MALRD1: variants seen among roughly 807,000 people sequenced by gnomAD.
The protein encoded by MALRD1 is MAM and LDL receptor class A domain containing 1.
Under a neutral mutation model 242.1 loss-of-function variants are expected in MALRD1, and 247 were observed. The observed-to-expected ratio is 1.02, with a 90% CI of 0.92 to 1.13. The LOEUF (loss-of-function observed/expected upper bound fraction) is 1.13. Ranked by LOEUF, MALRD1 falls within the 50% of genes most tolerant of loss-of-function variation. The pLI is 0.00. For synonymous variants in MALRD1, 995 were observed against 866.6 expected (o/e 1.15, Z -2.60); for missense variants, 2,989 against 2,533.1 (o/e 1.18, Z -3.86).
chr10:19,493,305 T>G (rs1837570330), intron 30 of MALRD1: 2 of 152,158 alleles, frequency 1.3e-5, no homozygotes, highest in African/African-American at 2.4e-5. Context: ...CTTACCCTAA[T>G]GTCTTCAAGG....
At chr10:19,067,422 C>G (rs1228829035) in intron 2 of MALRD1, among the ~76,000 whole-genome samples, 1 of 152,068 alleles carries the variant, frequency 6.6e-6, no homozygotes, top group Non-Finnish European at 1.5e-5. Flanking sequence ...AAAACGGATT[C>G]CATGCCTGCC....
chr10:19,113,991 G>A (rs1425160188), intron 5 of MALRD1, among the ~76,000 whole-genome samples: 2 of 152,124 alleles, frequency 1.3e-5, no homozygotes, highest in African/African-American at 4.8e-5. Context: ...CAAAGAACAT[G>A]TGCAGTTATT....
chr10:19,222,649 T>C (rs1837610563), intron 18 of MALRD1, among the ~76,000 whole-genome samples: 1 of 152,198 alleles, frequency 6.6e-6, no homozygotes, highest in South Asian at 2.1e-4. Context: ...TATTTCTCTC[T>C]AATGTGTCCT....
intron 21 of MALRD1, among the ~76,000 whole-genome samples, chr10:19,297,527 A>G (rs1300712869): frequency 6.6e-6 from 1 of 151,872 alleles, no homozygotes; most frequent in African/African-American, 2.4e-5. Flanking sequence ...ACTTTTCTTT[A>G]TATATATAGT....
At chr10:19,144,474 A>G (rs750112091) in intron 10 of MALRD1, among the ~76,000 whole-genome samples, 6 of 152,366 alleles carry the variant, frequency 3.9e-5, no homozygotes, top group African/African-American at 1.2e-4. Flanking sequence ...CAATGTTTTA[A>G]GAGTTGACAT....
chr10:19,332,347 A>G (rs1234974166), intron 24 of MALRD1, among the ~76,000 whole-genome samples: 2 of 152,090 alleles, frequency 1.3e-5, no homozygotes, highest in Non-Finnish European at 2.9e-5. Flanking sequence ...ATACCTGTAT[A>G]TAAAATAGAC....
intron 36 of MALRD1, among the ~76,000 whole-genome samples, chr10:19,633,061 G>C (rs1839977986): frequency 6.6e-6 from 1 of 152,052 alleles, no homozygotes; most frequent in South Asian, 2.1e-4. Flanking sequence ...GTGAAACCCT[G>C]TCTCTACTAA....
At chr10:19,581,705 C>T (rs1837135118) in intron 33 of MALRD1, among the ~76,000 whole-genome samples, 1 of 150,052 alleles carries the variant, frequency 6.7e-6, no homozygotes, top group South Asian at 2.1e-4. Flanking sequence ...TTTATAGCAG[C>T]ATGATTTATA....
At chr10:19,268,496 A>G (rs1216094865) in intron 19 of MALRD1, among the ~76,000 whole-genome samples, 3 of 152,166 alleles carry the variant, frequency 2.0e-5, no homozygotes, top group Admixed American at 1.3e-4. Flanking sequence ...TAAACATTTT[A>G]AATATTCTAA....
intron 29 of MALRD1, among the ~76,000 whole-genome samples, chr10:19,477,243 C>G (rs1456619427): frequency 1.3e-5 from 2 of 151,992 alleles, no homozygotes; most frequent in Non-Finnish European, 2.9e-5. Context: ...AATTTTTATA[C>G]TTGTATTTAT....
At position 19,316,381 on chromosome 10, in the gene MALRD1, A is replaced by G. The variant is rs376550376; in HGVS notation, c.3420-7568A>G. Among the ~76,000 whole-genome samples the G allele has an allele frequency of 1.2e-4, 18 of 152,024 alleles. No homozygotes were observed. In the East Asian group the frequency reaches 1.9e-3, roughly 16 times the overall value. On this transcript the variant is annotated intron_variant, in intron 21 of 39. Transcript: ENST00000454679. ...CTTCTGGAATACTGCAGCAGAGTGG[A>G]GAGGGCATGTGTGGAGCTATGGGGT... is the stretch of plus-strand genomic sequence containing the variant.
intron 38 of MALRD1, among the ~76,000 whole-genome samples, chr10:19,712,397 G>A (rs566554703): frequency 6.6e-6 from 1 of 152,196 alleles, no homozygotes; most frequent in South Asian, 2.1e-4. Flanking sequence ...AGCTGAAATT[G>A]TTCATAGATT....
At chr10:19,120,754 T>G (rs1837030938) in intron 5 of MALRD1, among the ~76,000 whole-genome samples, 1 of 152,210 alleles carries the variant, frequency 6.6e-6, no homozygotes, top group Admixed American at 6.5e-5. Flanking sequence ...TTTTTTGTTG[T>G]TGTTGTTGAA....
chr10:19,463,886 TTGA>T (rs1836079110), intron 29 of MALRD1, among the ~76,000 whole-genome samples: 1 of 152,132 alleles, frequency 6.6e-6, no homozygotes, highest in African/African-American at 2.4e-5. Flanking sequence ...CTATTATTTT[TTGA>T]TTTTTTGATT....
Position 19,091,606 on chromosome 10 carries a change from T to G in MALRD1, c.597+3421T>G, listed in dbSNP as rs376208245. On this transcript the variant is annotated intron_variant, in intron 4 of 39. Coordinates refer to ENST00000454679, the MANE Select transcript of MALRD1 (RefSeq NM_001142308.3). ...CTATTTCCTTCAGTTCTGCTCTGAT[T>G]TTAGTTATTTCTTGCCTTCTGCTAG... Among the ~76,000 whole-genome samples, 2 of 55,702 alleles carry G rather than the reference T, an allele frequency of 3.6e-5. 1 individual carries two copies. The highest frequency in any genetic ancestry group is 6.4e-5 in the Non-Finnish European group (2 of 31,108). 36.5% of individuals were successfully genotyped at this position (55,702 alleles called of 152,430 possible). A position where few individuals can be genotyped will look rare whatever the true frequency, so the allele number is the denominator to read the frequency against.
At position 19,324,091 on chromosome 10, in the gene MALRD1, G is replaced by A. The variant is rs182913030; in HGVS notation, c.3562G>A (p.Val1188Ile). 6.0e-4 allele frequency: 934 copies of A among 1,550,192 alleles called. 4 individuals carry two copies. Among genetic ancestry groups the A allele is most frequent in the Non-Finnish European group, 7.7e-4 (887 of 1,146,696 alleles). ...CTGGACACATATGAATGGGGCCACC[G>A]TTGGTTCTCTCCAGGTACTGCTTAG... The part of the protein sequence containing the change: ...VFWTHMNGAT[V>I]GSLQVLIKKD... Residue 1188 changes from valine to isoleucine, a missense_variant, in exon 22 of 40, where the codon GTT (valine) becomes ATT (isoleucine). Physicochemically the swap from Val to Ile is conservative, Grantham distance 29. Transcript: ENST00000454679.
intron 36 of MALRD1, among the ~76,000 whole-genome samples, chr10:19,620,035 AT>A (rs1349950862): frequency 2.7e-5 from 4 of 150,932 alleles, no homozygotes; most frequent in Admixed American, 2.0e-4. Flanking sequence ...TAATAATAAT[AT>A]ATTGTTTATA....
intron 9 of MALRD1, among the ~76,000 whole-genome samples, chr10:19,136,232 A>T (rs866863061): frequency 1.3e-5 from 2 of 152,224 alleles, no homozygotes; most frequent in Non-Finnish European, 2.9e-5. Flanking sequence ...ATGACCAAGT[A>T]ACAAGTTTGC....
rs143204417 is a variant in MALRD1, at chr10:19,066,520, ACT to A, written c.200-198_200-197del. ...TGTGGCATTTTTTCTATTAGAACAC[ACT>A]GTTTTCGTTGTGGTAACTTATTAGA... On this transcript the variant is annotated intron_variant, in intron 1 of 39. Coordinates refer to ENST00000454679, the MANE Select transcript of MALRD1 (RefSeq NM_001142308.3). Among the ~76,000 whole-genome samples the A allele has an allele frequency of 2.7e-3, 413 of 152,316 alleles. 1 individual carries two copies. The highest frequency in any genetic ancestry group is 9.5e-3 in the African/African-American group (396 of 41,576).
Sources: allele counts gnomAD v4.1 joint callset (sites outside exome capture counted in the v4.1 genomes callset), GRCh38; gene constraint gnomAD v4.1.1; transcripts MANE v1.5; gene names NCBI Gene and HGNC (gene_info 2026-07-23, HGNC 2026-07-21).